Variants in ZNF682 observed in about 807,000 individuals in gnomAD.
ZNF682 encodes zinc finger protein 682.
A neutral mutation model predicts 36.5 loss-of-function variants in ZNF682; 29 were observed. The ratio of observed to expected loss-of-function variants is 0.80; its 90% confidence interval spans 0.59 to 1.08. The LOEUF (loss-of-function observed/expected upper bound fraction) is 1.08, where lower values mean the gene tolerates loss of function less well. Among genes scored for constraint, ZNF682 ranks in the 50% least tolerant of loss-of-function variants. The pLI, the probability that ZNF682 is intolerant of heterozygous loss-of-function variation, is 0.00. For missense variants in ZNF682, 561 were observed against 579.7 expected (o/e 0.97, Z 0.33); for synonymous variants, 180 against 197.0 (o/e 0.91, Z 0.72).
At chr19:20,037,065 C>T (rs2088537136) in intron 1 of ZNF682, among the ~76,000 whole-genome samples, 1 of 152,144 alleles carries the variant, frequency 6.6e-6, no homozygotes, top group South Asian at 2.1e-4. Context: ...TGTCTTCCCT[C>T]ATTTTCAAGT....
chr19:20,010,977 A>AT, intron 3 of ZNF682, among the ~76,000 whole-genome samples: 1 of 152,088 alleles, frequency 6.6e-6, no homozygotes, highest in East Asian at 1.9e-4. Context: ...AGAAAAAAAA[A>AT]TTTTTTTAAT....
At chr19:20,018,699 C>T (rs1050757113) in intron 3 of ZNF682, among the ~76,000 whole-genome samples, 2 of 152,024 alleles carry the variant, frequency 1.3e-5, no homozygotes, top group Middle Eastern at 3.2e-3. Context: ...TGAGCCCTTC[C>T]GTTACATGCA....
At chr19:20,014,103 A>AT (rs1010527706) in intron 3 of ZNF682, among the ~76,000 whole-genome samples, 8 of 152,190 alleles carry the variant, frequency 5.3e-5, no homozygotes, top group African/African-American at 1.2e-4. Flanking sequence ...TCCCAATTTC[A>AT]TTTTTTGCAG....
chr19:20,012,438 G>A (rs763262342), intron 3 of ZNF682, among the ~76,000 whole-genome samples: 19 of 152,204 alleles, frequency 1.2e-4, no homozygotes, highest in Middle Eastern at 3.4e-3. Context: ...TGTAGACTAT[G>A]CATCTGACAA....
intron 1 of ZNF682, among the ~76,000 whole-genome samples, chr19:20,028,619 C>T (rs1044009724): frequency 9.2e-5 from 14 of 152,280 alleles, no homozygotes; most frequent in Non-Finnish European, 7.3e-5. Flanking sequence ...CAAAGCGCCA[C>T]AGCACACAGT....
At chr19:20,002,641 C>G (rs929345429), downstream of ZNF682, among the ~76,000 whole-genome samples, 1 of 152,106 alleles carries the variant, frequency 6.6e-6, no homozygotes, top group East Asian at 1.9e-4. Context: ...GATGTCCTCA[C>G]GGCAATTTTA....
At chr19:20,004,255 C>T (rs865977611), downstream of ZNF682, among the ~76,000 whole-genome samples, 1 of 152,060 alleles carries the variant, frequency 6.6e-6, no homozygotes, top group Non-Finnish European at 1.5e-5. Context: ...TATTCTCCAA[C>T]GTATTTGAAG....
intron 1 of ZNF682, among the ~76,000 whole-genome samples, chr19:20,037,566 C>T (rs1568549033): frequency 1.4e-5 from 2 of 146,690 alleles, no homozygotes; most frequent in East Asian, 4.0e-4. Flanking sequence ...GATGTCAAGT[C>T]AAGCCATTCT....
chr19:20,035,033 G>A (rs2088516003), intron 1 of ZNF682, among the ~76,000 whole-genome samples: 1 of 152,040 alleles, frequency 6.6e-6, no homozygotes, highest in Non-Finnish European at 1.5e-5. Flanking sequence ...GGGAGGCACA[G>A]GTTGCAATGA....
intron 3 of ZNF682, among the ~76,000 whole-genome samples, chr19:20,021,032 C>A (rs2088379054): frequency 6.9e-6 from 1 of 145,906 alleles, no homozygotes; most frequent in Non-Finnish European, 1.5e-5. Flanking sequence ...TCAGGGGTAT[C>A]CAATCTTTTG....
Position 20,006,428 on chromosome 19 carries a change from T to C in ZNF682, c.1074A>G (p.Glu358=), listed in dbSNP as rs1390275141. The C allele has an allele frequency of 1.4e-5, 22 of 1,613,740 alleles. No individual in the cohort carries two copies. Among genetic ancestry groups the C allele is most frequent in the Non-Finnish European group, 1.8e-5 (21 of 1,179,962 alleles). Residue 358 remains glutamate, a synonymous_variant, in exon 4 of 4, where the codon GAA becomes GAG. Coordinates refer to ENST00000397165, the MANE Select transcript of ZNF682 (RefSeq NM_033196.3). The part of the protein sequence containing the change: ...KAFNSSSILT[E]HKVIHSGEKP... ...TCTCTCCGCTATGAATTACCTTATG[T>C]TCAGTAAGAATTGATGATGAGTTAA... is the stretch of plus-strand genomic sequence containing the variant.
At position 20,015,233 on chromosome 19, in the gene ZNF682, T is replaced by A. The variant is rs1160821855; in HGVS notation, c.226+7771A>T. 16 of 985,286 alleles carry A rather than the reference T, an allele frequency of 1.6e-5. No homozygotes were observed. In the South Asian group the frequency reaches 5.6e-4, roughly 35 times the overall value. 61.0% of individuals were successfully genotyped at this position (985,286 alleles called of 1,614,324 possible). A position where few individuals can be genotyped will look rare whatever the true frequency, so the allele number is the denominator to read the frequency against. Reference sequence around the variant, plus strand: ...AAATATACATCCACCAATGAATAGATGTTGAATTTACAACAATTCTCATGA... The same window carrying A: ...AAATATACATCCACCAATGAATAGAAGTTGAATTTACAACAATTCTCATGA... On this transcript the variant is annotated intron_variant, in intron 3 of 3. Coordinates refer to ENST00000397165, the MANE Select transcript of ZNF682 (RefSeq NM_033196.3).
intron 3 of ZNF682, 65 bp downstream of exon 3, chr19:20,022,939 G>T (rs1477006812): frequency 2.2e-6 from 3 of 1,339,840 alleles, no homozygotes; most frequent in South Asian, 1.2e-5. Context: ...AACTCTTGAA[G>T]TCTGTCTTCC....
chr19:20,017,375 T>C (rs1414616744), intron 3 of ZNF682, among the ~76,000 whole-genome samples: 2 of 152,158 alleles, frequency 1.3e-5, no homozygotes, highest in Non-Finnish European at 2.9e-5. Flanking sequence ...CAAAAATATA[T>C]TCCATGCAAA....
At chr19:20,015,808 TC>T (rs1400476707) in intron 3 of ZNF682, 12 of 398,088 alleles carry the variant, frequency 3.0e-5, no homozygotes, top group Non-Finnish European at 4.9e-5. Flanking sequence ...ATGTTGCTCT[TC>T]TTTTTACACA....
At chr19:20,028,976 C>T (rs1394286394) in intron 1 of ZNF682, among the ~76,000 whole-genome samples, 1 of 116,934 alleles carries the variant, frequency 8.6e-6, no homozygotes, top group Non-Finnish European at 1.7e-5. Flanking sequence ...TGTTCTATCA[C>T]TGATTTTTTT....
intron 3 of ZNF682, among the ~76,000 whole-genome samples, chr19:20,021,463 G>A (rs1240262922): frequency 6.9e-6 from 1 of 144,006 alleles, no homozygotes; most frequent in Non-Finnish European, 1.5e-5. Context: ...CAGCCTGTGT[G>A]ACAGAGTGAG....
chr19:20,009,676 C>T (rs1404672455), intron 3 of ZNF682, among the ~76,000 whole-genome samples: 1 of 152,188 alleles, frequency 6.6e-6, no homozygotes, highest in Admixed American at 6.5e-5. Context: ...AGTGGACCTC[C>T]CCACAGAAAC....
chr19:20,006,510 T>C lies in ZNF682; in HGVS notation c.992A>G (p.His331Arg), dbSNP rs986488219. 1.9e-6 allele frequency: 3 copies of C among 1,614,030 alleles called. No homozygotes were observed. Among genetic ancestry groups the C allele is most frequent in the African/African-American group, 2.7e-5 (2 of 74,934 alleles). The change falls in exon 4 of 4, where the codon CAT (histidine) becomes CGT (arginine). Residue 331 changes from histidine to arginine, a missense_variant. Physicochemically the swap from His to Arg is conservative, Grantham distance 29 (BLOSUM62 0). Coordinates refer to ENST00000397165, the MANE Select transcript of ZNF682 (RefSeq NM_033196.3). ...TTTCTCTCCCGTATGGGTTCTCTCA[T>C]GTATAGTAAGTAGTGAGCAGTGGTT... is the stretch of plus-strand genomic sequence containing the variant. ...AFNHCSLLTI[H>R]ERTHTGEKPY...
Sources: gnomAD v4.1 joint callset for allele counts (sites outside exome capture counted in the v4.1 genomes callset) on GRCh38, gnomAD v4.1.1 for gene constraint, MANE v1.5 for transcripts, NCBI Gene and HGNC (gene_info 2026-07-23, HGNC 2026-07-21) for gene names.